HMX2: variants seen among roughly 807,000 people sequenced by gnomAD.
HMX2 encodes H6 family homeobox 2, also known as homeobox protein HMX2.
In HMX2, 15 loss-of-function variants were observed where a neutral mutation model predicts 21.2. The ratio of observed to expected loss-of-function variants is 0.71; its 90% confidence interval spans 0.47 to 1.09. The LOEUF is 1.09. Ranked by LOEUF, HMX2 falls within the 50% of genes least tolerant of loss-of-function variation. The probability of loss-of-function intolerance (pLI) is 0.00; values close to 1 mark genes in which losing one functional copy is unlikely to be tolerated. For missense variants in HMX2, 440 were observed against 381.5 expected (o/e 1.15, Z -1.28); for synonymous variants, 193 against 181.0 (o/e 1.07, Z -0.53).
chr10:123,148,253 C>A lies in HMX2; in HGVS notation c.-126C>A. The A allele has an allele frequency of 1.0e-6, 1 of 957,716 alleles. No homozygotes were observed. The highest frequency in any genetic ancestry group is 1.6e-6 in the Non-Finnish European group (1 of 627,032). The allele number at this position is 957,716 out of a possible 1,614,324, so 59.3% of individuals were successfully genotyped here. The stretch of plus-strand genomic sequence containing the variant: ...AGGGACGCCTCACCAGCCTCGGCGC[C>A]CCCTCCCCCTAGATTTCCTCCCCGC... On this transcript the variant is annotated 5_prime_UTR_variant, in exon 1 of 2. Coordinates refer to ENST00000339992, the MANE Select transcript of HMX2 (RefSeq NM_005519.2).
rs1844224437 is a variant in HMX2, at chr10:123,148,481, C to T, written c.103C>T (p.Arg35Trp). 2 of 1,612,490 alleles carry T rather than the reference C, an allele frequency of 1.2e-6. No individual in the cohort carries two copies. The highest frequency in any genetic ancestry group is 1.7e-5 in the Admixed American group (1 of 59,852). The change falls in exon 1 of 2, where the codon CGG becomes TGG. Residue 35 changes from arginine to tryptophan, a missense_variant. Transcript: ENST00000339992. Reference protein sequence around the residue: ...ILGGGPSEAPREPVGWPARKR... With the variant: ...ILGGGPSEAPWEPVGWPARKR... Reference sequence around the variant, plus strand: ...GGGCGGGGGCCCCTCGGAGGCACCGCGGGAGCCCGTCGGCTGGCCAGCCAG... The same window carrying T: ...GGGCGGGGGCCCCTCGGAGGCACCGTGGGAGCCCGTCGGCTGGCCAGCCAG...
Position 123,150,242 on chromosome 10 carries a change from G to A in HMX2, c.*119G>A. ...AGAAATATGAAGAAATACACCATGT[G>A]TATTCATTAGCTCTTATTTATGGTC... On this transcript the variant is annotated 3_prime_UTR_variant, in exon 2 of 2. Transcript: ENST00000339992. The surrounding 1 kb of genome is among the most constrained non-coding windows in gnomAD (Gnocchi z 4.2). The A allele has an allele frequency of 1.3e-6, 1 of 794,068 alleles. No homozygotes were observed. The highest frequency in any genetic ancestry group is 1.9e-6 in the Non-Finnish European group (1 of 517,000). The allele number at this position is 794,068 out of a possible 1,614,324, so 49.2% of individuals were successfully genotyped here.
Position 123,148,202 on chromosome 10 carries a change from C to T in HMX2, c.-177C>T. 4.6e-6 allele frequency: 3 copies of T among 659,222 alleles called. No individual in the cohort carries two copies. The highest frequency in any genetic ancestry group is 2.6e-6 in the Non-Finnish European group (1 of 390,718). The allele number at this position is 659,222 out of a possible 1,614,324, so 40.8% of individuals were successfully genotyped here. A position where few individuals can be genotyped will look rare whatever the true frequency, so the allele number is the denominator to read the frequency against. On this transcript the variant is annotated 5_prime_UTR_variant, in exon 1 of 2. Transcript: ENST00000339992. ...GGGCAGGAACCCCTGCGCAGCCATC[C>T]GGTGCCTGCATGTCCCTGGCGCGGA...
Position 123,148,479 on chromosome 10 carries a change from C to T in HMX2, c.101C>T (p.Pro34Leu), listed in dbSNP as rs145603738. 6.2e-7 allele frequency: 1 copy of T among 1,612,428 alleles called. No homozygotes were observed. The highest frequency in any genetic ancestry group is 8.5e-7 in the Non-Finnish European group (1 of 1,179,274). The change falls in exon 1 of 2, where the codon CCG becomes CTG. Residue 34 changes from proline (P) to leucine (L), a missense_variant. By Grantham distance (98) the Pro-to-Leu change is moderately conservative (BLOSUM62 -3). Coordinates refer to ENST00000339992, the MANE Select transcript of HMX2 (RefSeq NM_005519.2). The part of the protein sequence containing the change: ...SILGGGPSEA[P>L]REPVGWPARK... The stretch of plus-strand genomic sequence containing the variant: ...CTGGGCGGGGGCCCCTCGGAGGCAC[C>T]GCGGGAGCCCGTCGGCTGGCCAGCC...
chr10:123,150,133 C>A lies in HMX2; in HGVS notation c.*10C>A, dbSNP rs757759423. ...CAAGCTCGACTACTGACCGGCCCGCCGCCCCGCGCCGCCCCCAGCTGCCCG... is the reference window on the plus strand; with the variant it reads ...CAAGCTCGACTACTGACCGGCCCGCAGCCCCGCGCCGCCCCCAGCTGCCCG... On this transcript the variant is annotated 3_prime_UTR_variant, in exon 2 of 2. Coordinates refer to ENST00000339992, the MANE Select transcript of HMX2 (RefSeq NM_005519.2). This position sits in a 1 kb window ranked among gnomAD's most constrained non-coding sequence, Gnocchi z 4.2. 60 of 1,509,280 alleles carry A rather than the reference C, an allele frequency of 4.0e-5. No homozygotes were observed. In the African/African-American group the frequency reaches 6.3e-4, roughly 16 times the overall value. The allele number at this position is 1,509,280 out of a possible 1,614,324, so 93.5% of individuals were successfully genotyped here. A position where few individuals can be genotyped will look rare whatever the true frequency, so the allele number is the denominator to read the frequency against.
In HMX2 at chr10:123,149,438, T is replaced by G; in HGVS notation, c.269-132T>G. On this transcript the variant is annotated intron_variant, in intron 1 of 1. Transcript: ENST00000339992. This position sits in a 1 kb window ranked among gnomAD's most constrained non-coding sequence, Gnocchi z 5.4. ...GGGTTTGGGGGGCCAGTGAGAGGGA[T>G]AAGAGGAGGGGATTGGTAAGGTGGG... 1 of 646,394 alleles carries G rather than the reference T, an allele frequency of 1.5e-6. No homozygotes were observed. The highest frequency in any genetic ancestry group is 2.4e-6 in the Non-Finnish European group (1 of 418,704). The allele number at this position is 646,394 out of a possible 1,614,324, so 40.0% of individuals were successfully genotyped here.
In HMX2 at chr10:123,149,606, G is replaced by T; in HGVS notation, c.305G>T (p.Gly102Val). 2 of 1,472,324 alleles carry T rather than the reference G, an allele frequency of 1.4e-6. No homozygotes were observed. The highest frequency in any genetic ancestry group is 1.8e-6 in the Non-Finnish European group (2 of 1,116,150). The allele number at this position is 1,472,324 out of a possible 1,614,324, so 91.2% of individuals were successfully genotyped here. Reference protein sequence around the residue: ...PKGSGGSGPGGLERTPFLSPS... With the variant: ...PKGSGGSGPGVLERTPFLSPS... Reference sequence around the variant, plus strand: ...GGCAGCGGAGGCTCGGGCCCGGGCGGCTTGGAGCGCACGCCTTTCCTCTCT... The same window carrying T: ...GGCAGCGGAGGCTCGGGCCCGGGCGTCTTGGAGCGCACGCCTTTCCTCTCT... Residue 102 changes from glycine to valine, a missense_variant, in exon 2 of 2, where the codon GGC becomes GTC. Gly to Val is a moderately radical substitution (Grantham distance 109). Transcript: ENST00000339992. This position sits in a 1 kb window ranked among gnomAD's most constrained non-coding sequence, Gnocchi z 5.4.
chr10:123,149,507 G>A lies in HMX2; in HGVS notation c.269-63G>A. 7.4e-7 allele frequency: 1 copy of A among 1,349,214 alleles called. No individual in the cohort carries two copies. Among genetic ancestry groups the A allele is most frequent in the Non-Finnish European group, 9.7e-7 (1 of 1,030,706 alleles). 83.6% of individuals were successfully genotyped at this position (1,349,214 alleles called of 1,614,324 possible). ...TGCCAACCGCTTGGTCCCAGGGAGAGCTGGCGGTCTCCGAGGCTCCCCAAC... is the reference window on the plus strand; with the variant it reads ...TGCCAACCGCTTGGTCCCAGGGAGAACTGGCGGTCTCCGAGGCTCCCCAAC... On this transcript the variant is annotated intron_variant, in intron 1 of 1. Coordinates refer to ENST00000339992, the MANE Select transcript of HMX2 (RefSeq NM_005519.2). The surrounding 1 kb of genome is among the most constrained non-coding windows in gnomAD (Gnocchi z 5.4).
chr10:123,149,875 C>A lies in HMX2; in HGVS notation c.574C>A (p.Gln192Lys). The A allele has an allele frequency of 6.2e-7, 1 of 1,612,824 alleles. No individual in the cohort carries two copies. Among genetic ancestry groups the A allele is most frequent in the Non-Finnish European group, 8.5e-7 (1 of 1,179,890 alleles). The change falls in exon 2 of 2, where the codon CAG (glutamine) becomes AAG (lysine). Residue 192 changes from glutamine to lysine, a missense_variant. Gln to Lys is a moderately conservative substitution (Grantham distance 53). Coordinates refer to ENST00000339992, the MANE Select transcript of HMX2 (RefSeq NM_005519.2). This position sits in a 1 kb window ranked among gnomAD's most constrained non-coding sequence, Gnocchi z 5.4. ...LASSLQLTET[Q>K]VKTWFQNRRN... ...CTCCAGCCTGCAGCTCACGGAGACC[C>A]AGGTAAAGACTTGGTTCCAGAACCG...
Position 123,149,757 on chromosome 10 carries a change from G to T in HMX2, c.456G>T (p.Thr152=), listed in dbSNP as rs774893399. ...AGGCCGGCGCGGCCAAGAAGAAGAC[G>T]CGCACCGTCTTTTCGCGCAGCCAGG... ...ERQAGAAKKK[T]RTVFSRSQVY... Residue 152 remains threonine (T), a synonymous_variant, in exon 2 of 2, where the codon ACG becomes ACT. Coordinates refer to ENST00000339992, the MANE Select transcript of HMX2 (RefSeq NM_005519.2). The surrounding 1 kb of genome is among the most constrained non-coding windows in gnomAD (Gnocchi z 5.4). The T allele has an allele frequency of 6.3e-7, 1 of 1,581,334 alleles. No individual in the cohort carries two copies. Among genetic ancestry groups the T allele is most frequent in the Non-Finnish European group, 8.6e-7 (1 of 1,164,654 alleles).
In HMX2 at chr10:123,150,263, TG is replaced by T; in HGVS notation, c.*142del. On this transcript the variant is annotated 3_prime_UTR_variant, in exon 2 of 2. Transcript: ENST00000339992. This position sits in a 1 kb window ranked among gnomAD's most constrained non-coding sequence, Gnocchi z 4.2. ...ATGTGTATTCATTAGCTCTTATTTATGGTCTCTGCCCTACTTTTTGTTTTGA... is the reference window on the plus strand; with the variant it reads ...ATGTGTATTCATTAGCTCTTATTTATGTCTCTGCCCTACTTTTTGTTTTGA... 1.4e-6 allele frequency: 1 copy of T among 697,536 alleles called. No individual in the cohort carries two copies. The highest frequency in any genetic ancestry group is 2.3e-6 in the Non-Finnish European group (1 of 438,890). 43.2% of individuals were successfully genotyped at this position (697,536 alleles called of 1,614,324 possible).
Position 123,150,582 on chromosome 10 carries a change from C to T in HMX2, c.*459C>T, listed in dbSNP as rs1227960801. The T allele has an allele frequency of 6.5e-6, 1 of 154,108 alleles. No homozygotes were observed. Among genetic ancestry groups the T allele is most frequent in the Non-Finnish European group, 1.4e-5 (1 of 69,526 alleles). The allele number at this position is 154,108 out of a possible 1,614,324, so 9.5% of individuals were successfully genotyped here. On this transcript the variant is annotated 3_prime_UTR_variant, in exon 2 of 2. Coordinates refer to ENST00000339992, the MANE Select transcript of HMX2 (RefSeq NM_005519.2). The surrounding 1 kb of genome is among the most constrained non-coding windows in gnomAD (Gnocchi z 4.2). ...TTACTAAATTGCTTCTTTTCGTTTC[C>T]CTCATCCCGAGGATGGTAGGGACGA...
In HMX2 at chr10:123,149,713, G is replaced by T. The variant is rs758216925; in HGVS notation, c.412G>T (p.Asp138Tyr). 2 of 1,559,074 alleles carry T rather than the reference G, an allele frequency of 1.3e-6. No individual in the cohort carries two copies. Residue 138 changes from aspartate to tyrosine, a missense_variant, in exon 2 of 2, where the codon GAC (aspartate) becomes TAC (tyrosine). Coordinates refer to ENST00000339992, the MANE Select transcript of HMX2 (RefSeq NM_005519.2). The surrounding 1 kb of genome is among the most constrained non-coding windows in gnomAD (Gnocchi z 5.4). ...SPSPGSERPR[D>Y]GGAERQAGAA... is the part of the protein sequence containing the mutation. Reference sequence around the variant, plus strand: ...CTCGCCGGGGTCCGAGCGGCCGCGGGACGGCGGCGCTGAGCGGCAGGCCGG... The same window carrying T: ...CTCGCCGGGGTCCGAGCGGCCGCGGTACGGCGGCGCTGAGCGGCAGGCCGG...
At position 123,148,276 on chromosome 10, in the gene HMX2, CG is replaced by C; in HGVS notation, c.-102del. 1 of 1,270,712 alleles carries C rather than the reference CG, an allele frequency of 7.9e-7. No individual in the cohort carries two copies. Among genetic ancestry groups the C allele is most frequent in the Non-Finnish European group, 1.1e-6 (1 of 896,464 alleles). The allele number at this position is 1,270,712 out of a possible 1,614,324, so 78.7% of individuals were successfully genotyped here. A position where few individuals can be genotyped will look rare whatever the true frequency, so the allele number is the denominator to read the frequency against. On this transcript the variant is annotated 5_prime_UTR_variant, in exon 1 of 2. Coordinates refer to ENST00000339992, the MANE Select transcript of HMX2 (RefSeq NM_005519.2). The stretch of plus-strand genomic sequence containing the variant: ...GCCCCCTCCCCCTAGATTTCCTCCC[CG>C]CCCCTCCCCACTGCCTGCCTGCTGC...
In HMX2 at chr10:123,149,955, G is replaced by C; in HGVS notation, c.654G>C (p.Ala218=). 1.9e-6 allele frequency: 3 copies of C among 1,611,836 alleles called. No homozygotes were observed. The highest frequency in any genetic ancestry group is 2.5e-6 in the Non-Finnish European group (3 of 1,179,530). ...LSAELEAANM[A]HASAQTLVSM... ...CTGAGCTGGAGGCGGCCAACATGGC[G>C]CACGCGTCGGCGCAGACTCTGGTGA... The change falls in exon 2 of 2, where the codon GCG becomes GCC. Residue 218 remains alanine (A), a synonymous_variant. Coordinates refer to ENST00000339992, the MANE Select transcript of HMX2 (RefSeq NM_005519.2). The surrounding 1 kb of genome is among the most constrained non-coding windows in gnomAD (Gnocchi z 5.4).
chr10:123,150,013 C>A lies in HMX2; in HGVS notation c.712C>A (p.Leu238Met). Reference protein sequence around the residue: ...MPLVFRDSSLLRVPVPRSLAF... With the variant: ...MPLVFRDSSLMRVPVPRSLAF... ...GCTGGTGTTCCGGGACAGTTCGCTG[C>A]TGCGCGTGCCGGTGCCGCGCTCGCT... The change falls in exon 2 of 2, where the codon CTG (leucine) becomes ATG (methionine). Residue 238 changes from leucine (L) to methionine (M), a missense_variant. Transcript: ENST00000339992. The surrounding 1 kb of genome is among the most constrained non-coding windows in gnomAD (Gnocchi z 4.2). 2 of 1,609,296 alleles carry A rather than the reference C, an allele frequency of 1.2e-6. No homozygotes were observed. The highest frequency in any genetic ancestry group is 1.7e-6 in the Non-Finnish European group (2 of 1,178,814).
In HMX2 at chr10:123,149,471, C is replaced by T; in HGVS notation, c.269-99C>T. 1.0e-6 allele frequency: 1 copy of T among 996,396 alleles called. No homozygotes were observed. The highest frequency in any genetic ancestry group is 1.4e-6 in the Non-Finnish European group (1 of 718,292). 61.7% of individuals were successfully genotyped at this position (996,396 alleles called of 1,614,324 possible). On this transcript the variant is annotated intron_variant, in intron 1 of 1. Coordinates refer to ENST00000339992, the MANE Select transcript of HMX2 (RefSeq NM_005519.2). The surrounding 1 kb of genome is among the most constrained non-coding windows in gnomAD (Gnocchi z 5.4). The stretch of plus-strand genomic sequence containing the variant: ...GGGGATTGGTAAGGTGGGACCAAGG[C>T]TGCAGGCGCTTGCCAACCGCTTGGT...
rs758216925 is a variant in HMX2, at chr10:123,149,713, G to A, written c.412G>A (p.Asp138Asn). 6.4e-7 allele frequency: 1 copy of A among 1,559,182 alleles called. No individual in the cohort carries two copies. The highest frequency in any genetic ancestry group is 1.2e-5 in the South Asian group (1 of 84,116). Residue 138 changes from aspartate (D) to asparagine (N), a missense_variant, in exon 2 of 2, where the codon GAC becomes AAC. By Grantham distance (23) the Asp-to-Asn change is conservative (BLOSUM62 1). Coordinates refer to ENST00000339992, the MANE Select transcript of HMX2 (RefSeq NM_005519.2). The surrounding 1 kb of genome is among the most constrained non-coding windows in gnomAD (Gnocchi z 5.4). ...CTCGCCGGGGTCCGAGCGGCCGCGG[G>A]ACGGCGGCGCTGAGCGGCAGGCCGG... ...SPSPGSERPR[D>N]GGAERQAGAA...
rs1589684554 is a variant in HMX2 at position 123,149,880 on chromosome 10, A to G, written c.579A>G (p.Val193=). 1 of 1,612,760 alleles carries G rather than the reference A, an allele frequency of 6.2e-7. No individual in the cohort carries two copies. Among genetic ancestry groups the G allele is most frequent in the African/African-American group, 1.3e-5 (1 of 75,054 alleles). The change falls in exon 2 of 2, where the codon GTA becomes GTG. Residue 193 remains valine, a synonymous_variant. Transcript: ENST00000339992. This position sits in a 1 kb window ranked among gnomAD's most constrained non-coding sequence, Gnocchi z 5.4. Reference sequence around the variant, plus strand: ...GCCTGCAGCTCACGGAGACCCAGGTAAAGACTTGGTTCCAGAACCGCCGCA... The same window carrying G: ...GCCTGCAGCTCACGGAGACCCAGGTGAAGACTTGGTTCCAGAACCGCCGCA... The part of the protein sequence containing the change: ...ASSLQLTETQ[V]KTWFQNRRNK...
Sources: gnomAD v4.1 joint callset for allele counts on GRCh38, gnomAD v4.1.1 for gene constraint, Gnocchi (gnomAD v3.1) non-coding constraint, MANE v1.5 for transcripts, NCBI Gene and HGNC (gene_info 2026-07-23, HGNC 2026-07-21) for gene names.